RAPGEF4: variants seen among roughly 807,000 people sequenced by gnomAD.
RAPGEF4 encodes Rap guanine nucleotide exchange factor 4, also known as RAP guanine-nucleotide-exchange factor (GEF) 4.
In RAPGEF4, 66 loss-of-function variants were observed where a neutral mutation model predicts 147.9. The ratio of observed to expected loss-of-function variants is 0.45; its 90% CI spans 0.37 to 0.55. The LOEUF is 0.55. RAPGEF4 is among the 20% of genes least tolerant of loss of function. The pLI is 0.00. For synonymous variants in RAPGEF4, 419 were observed against 442.7 expected (o/e 0.95, Z 0.67); for missense variants, 1,071 against 1,257.3 (o/e 0.85, Z 2.24).
intron 4 of RAPGEF4, chr2:172,860,339 G>A (rs1693887404): frequency 1.0e-5 from 10 of 984,782 alleles, no homozygotes; most frequent in Non-Finnish European, 1.2e-5. Context: ...TTAGCAGTGT[G>A]TTCACATATA....
intron 4 of RAPGEF4, chr2:172,821,849 C>CAGTA (rs1689101154): frequency 6.6e-7 from 1 of 1,519,514 alleles, no homozygotes; most frequent in South Asian, 1.4e-5. Flanking sequence ...GAGAGCCACT[C>CAGTA]AGTAGTAGAC....
chr2:172,915,725 T>C (rs1684001534), intron 4 of RAPGEF4, among the ~76,000 whole-genome samples: 1 of 122,778 alleles, frequency 8.1e-6, no homozygotes. Flanking sequence ...AAAAAAGATA[T>C]CTGAGTTTTG....
At chr2:172,823,045 G>GA (rs1689250809) in intron 4 of RAPGEF4, among the ~76,000 whole-genome samples, 1 of 152,150 alleles carries the variant, frequency 6.6e-6, no homozygotes, top group Non-Finnish European at 1.5e-5. Flanking sequence ...GAGACAAACT[G>GA]AAAAAATACT....
chr2:172,973,103 T>C (rs1173296685), intron 10 of RAPGEF4, among the ~76,000 whole-genome samples: 4 of 118,084 alleles, frequency 3.4e-5, no homozygotes, highest in Non-Finnish European at 7.7e-5. Context: ...GCCCCTTTTT[T>C]TTTCTTTTTT....
chr2:172,769,673 C>T (rs1697178106), intron 1 of RAPGEF4, among the ~76,000 whole-genome samples: 1 of 151,980 alleles, frequency 6.6e-6, no homozygotes, highest in Admixed American at 6.6e-5. Flanking sequence ...CCAACAACAC[C>T]AACAGAAATA....
chr2:172,841,355 G>A (rs951584283), intron 4 of RAPGEF4, among the ~76,000 whole-genome samples: 2 of 152,048 alleles, frequency 1.3e-5, no homozygotes, highest in South Asian at 2.1e-4. Flanking sequence ...ATGAGTGAAG[G>A]CAGCCCCCTC....
At chr2:172,861,214 C>T (rs3769293) in intron 4 of RAPGEF4, among the ~76,000 whole-genome samples, 10,780 of 151,984 alleles carry the variant, frequency 0.071, 438 homozygotes, top group South Asian at 0.13. Flanking sequence ...TGGGCAAGAG[C>T]GAAGCAAGAT....
chr2:172,817,525 A>T (rs1688620286), intron 4 of RAPGEF4, among the ~76,000 whole-genome samples: 1 of 152,218 alleles, frequency 6.6e-6, no homozygotes, highest in South Asian at 2.1e-4. Flanking sequence ...CAGCTAGATC[A>T]CCCAAATATC....
chr2:173,003,358 T>C (rs1329396693), intron 17 of RAPGEF4, among the ~76,000 whole-genome samples: 4 of 152,194 alleles, frequency 2.6e-5, no homozygotes, highest in Non-Finnish European at 5.9e-5. Context: ...CAAATCTGAC[T>C]TCTTTTGTCT....
At chr2:172,863,368 A>T (rs900791829) in intron 4 of RAPGEF4, among the ~76,000 whole-genome samples, 1 of 152,196 alleles carries the variant, frequency 6.6e-6, no homozygotes, top group Non-Finnish European at 1.5e-5. Context: ...AATTCAAAGG[A>T]ATTGCTTAAA....
At chr2:172,875,482 C>T (rs1695802091) in intron 4 of RAPGEF4, among the ~76,000 whole-genome samples, 1 of 152,110 alleles carries the variant, frequency 6.6e-6, no homozygotes, top group African/African-American at 2.4e-5. Flanking sequence ...CCAGTTTTCC[C>T]AGCACCATTT....
chr2:172,867,805 A>G (rs942927688), intron 4 of RAPGEF4, among the ~76,000 whole-genome samples: 2 of 152,264 alleles, frequency 1.3e-5, no homozygotes, highest in Non-Finnish European at 2.9e-5. Flanking sequence ...AAAGGAGTTA[A>G]TGTTTAAGAA....
At chr2:172,782,220 G>A (rs907792045) in intron 1 of RAPGEF4, among the ~76,000 whole-genome samples, 6 of 152,320 alleles carry the variant, frequency 3.9e-5, no homozygotes, top group Non-Finnish European at 8.8e-5. Context: ...TGATTCAGTT[G>A]GAGAAAGTCT....
intron 1 of RAPGEF4, among the ~76,000 whole-genome samples, chr2:172,781,467 G>A (rs1188080847): frequency 6.6e-6 from 1 of 152,124 alleles, no homozygotes; most frequent in African/African-American, 2.4e-5. Context: ...ATGAGGTCTT[G>A]CTTTATTGGC....
At chr2:172,937,801 AT>A (rs1022866220) in intron 6 of RAPGEF4, among the ~76,000 whole-genome samples, 4 of 9,246 alleles carry the variant, frequency 4.3e-4, no homozygotes, top group African/African-American at 5.0e-4. Context: ...TTATTCTGTC[AT>A]TTTTTTTATA....
intron 5 of RAPGEF4, among the ~76,000 whole-genome samples, chr2:172,920,533 A>G (rs375589251): frequency 2.0e-5 from 3 of 152,026 alleles, no homozygotes; most frequent in African/African-American, 7.2e-5. Context: ...TCTCCTGATC[A>G]TATCACTCTG....
rs80066768 is a variant in RAPGEF4, at chr2:172,896,628, T to G, written c.445-21174T>G. 3.8e-3 allele frequency among the ~76,000 whole-genome samples: 573 copies of G among 150,886 alleles called. 2 individuals are homozygous for G. Among genetic ancestry groups the G allele is most frequent in the African/African-American group, 0.013 (534 of 41,006 alleles). ...GGTTAAGTTCCCTGAATGAGCGTAG[T>G]GAAAATTAGTTTCTTTTGGAAGGAT... On this transcript the variant is annotated intron_variant, in intron 4 of 30. Transcript: ENST00000397081.
chr2:172,916,930 C>T (rs1443702574), intron 4 of RAPGEF4, among the ~76,000 whole-genome samples: 1 of 152,166 alleles, frequency 6.6e-6, no homozygotes, highest in East Asian at 1.9e-4. Context: ...AATTATAAAC[C>T]ATAAATATAC....
In RAPGEF4 at chr2:172,996,565, A is replaced by G. The variant is rs191326954; in HGVS notation, c.1579+11A>G. The G allele has an allele frequency of 1.2e-5, 19 of 1,523,340 alleles. No individual in the cohort carries two copies. In the Admixed American group the frequency reaches 4.1e-4, roughly 33 times the overall value. 94.4% of individuals were successfully genotyped at this position (1,523,340 alleles called of 1,614,324 possible). Reference sequence around the variant, plus strand: ...TAAATGAAGCAACAGGTATACACATAGAACCGTTTGCATGTCCATTAAATC... The same window carrying G: ...TAAATGAAGCAACAGGTATACACATGGAACCGTTTGCATGTCCATTAAATC... On this transcript the variant is annotated intron_variant, in intron 16 of 30. Transcript: ENST00000397081.
Sources: gnomAD v4.1 joint callset for allele counts (sites outside exome capture counted in the v4.1 genomes callset) on GRCh38, gnomAD v4.1.1 for gene constraint, MANE v1.5 for transcripts, NCBI Gene and HGNC (gene_info 2026-07-23, HGNC 2026-07-21) for gene names.